Variants in MAP2K1 observed in about 807,000 individuals in gnomAD.
MAP2K1 encodes the protein mitogen-activated protein kinase kinase 1.
In MAP2K1, 16 loss-of-function variants were observed where a neutral mutation model predicts 46.3. The observed-to-expected ratio is 0.35, with a 90% CI of 0.23 to 0.52. MAP2K1 has a LOEUF of 0.52. Ranked by LOEUF, MAP2K1 falls within the 20% of genes least tolerant of loss-of-function variation. The probability of loss-of-function intolerance (pLI) is 0.94; values close to 1 mark genes in which losing one functional copy is unlikely to be tolerated. For missense variants in MAP2K1, 263 were observed against 497.1 expected, an observed-to-expected ratio of 0.53 and a Z score of 4.48; for synonymous variants, 183 against 185.6, an observed-to-expected ratio of 0.99 and a Z score of 0.11.
intron 6 of MAP2K1, among the ~76,000 whole-genome samples, chr15:66,483,534 A>C (rs1892963183): frequency 6.6e-6 from 1 of 152,186 alleles, no homozygotes; most frequent in East Asian, 1.9e-4. Context: ...AGTTAGTGAA[A>C]AATGCTACTG....
At chr15:66,444,597 G>C in intron 4 of MAP2K1, 59 bp from the exon 5 acceptor site, 1 of 1,182,286 alleles carries the variant, frequency 8.5e-7, no homozygotes, top group Non-Finnish European at 1.3e-6. Context: ...TTTTAAAATA[G>C]ATTGAGTATT....
intron 7 of MAP2K1, among the ~76,000 whole-genome samples, chr15:66,486,784 G>A (rs927547555): frequency 6.6e-6 from 1 of 152,206 alleles, no homozygotes; most frequent in Non-Finnish European, 1.5e-5. Context: ...GTAGCTGATG[G>A]CAGGTCATTG....
intron 5 of MAP2K1, chr15:66,453,422 TGCTCA>T (rs1048155262): frequency 1.3e-5 from 9 of 698,954 alleles, no homozygotes; most frequent in Middle Eastern, 2.7e-4. Context: ...CTGGCCTGGC[TGCTCA>T]GCATTTCAGA....
chr15:66,479,160 G>C (rs1006995716), intron 5 of MAP2K1, among the ~76,000 whole-genome samples: 2 of 151,740 alleles, frequency 1.3e-5, no homozygotes, highest in Non-Finnish European at 2.9e-5. Context: ...GCAGTGGTGT[G>C]ATCTTGGCTC....
chr15:66,428,435 G>A (rs1342742387), intron 1 of MAP2K1, among the ~76,000 whole-genome samples: 1 of 151,986 alleles, frequency 6.6e-6, no homozygotes, highest in Non-Finnish European at 1.5e-5. Context: ...CCCAGGGTAG[G>A]GTTGCATGCG....
At chr15:66,429,192 C>T (rs561065756) in intron 1 of MAP2K1, among the ~76,000 whole-genome samples, 2 of 152,248 alleles carry the variant, frequency 1.3e-5, no homozygotes, top group South Asian at 2.1e-4. Context: ...AATTGAATTA[C>T]GGTTCTTTAT....
chr15:66,437,312 T>C (rs2093490922), intron 3 of MAP2K1, among the ~76,000 whole-genome samples: 1 of 152,252 alleles, frequency 6.6e-6, no homozygotes, highest in Non-Finnish European at 1.5e-5. Context: ...TCTGGGTTTC[T>C]GTATGATGCA....
chr15:66,410,153 T>C (rs556316882), intron 1 of MAP2K1, among the ~76,000 whole-genome samples: 36 of 152,358 alleles, frequency 2.4e-4, no homozygotes, highest in African/African-American at 8.2e-4. Context: ...TTTTTTGCCC[T>C]GCCCTACTGC....
chr15:66,401,435 G>A (rs34472581), intron 1 of MAP2K1, among the ~76,000 whole-genome samples: 8,558 of 152,084 alleles, frequency 0.056, 345 homozygotes, highest in Middle Eastern at 0.11. Context: ...TTAAAGGTCA[G>A]CTTGCTTCCC....
intron 3 of MAP2K1, 29 bp from the exon 4 acceptor site, chr15:66,443,251 A>G: frequency 7.2e-7 from 1 of 1,383,088 alleles, no homozygotes; most frequent in South Asian, 1.2e-5. Context: ...GAACATTGTC[A>G]CTAACTGGTC....
At chr15:66,418,781 G>A (rs529054276) in intron 1 of MAP2K1, among the ~76,000 whole-genome samples, 1 of 149,232 alleles carries the variant, frequency 6.7e-6, no homozygotes, top group East Asian at 2.0e-4. Flanking sequence ...TCCTGCCTCA[G>A]CCTCCCGAGC....
Position 66,414,358 on chromosome 15 carries a change from C to G in MAP2K1, c.81-20669C>G, listed in dbSNP as rs112287368. Among the ~76,000 whole-genome samples the G allele has an allele frequency of 2.6e-3, 396 of 152,116 alleles. 8 individuals are homozygous for G. Among genetic ancestry groups the G allele is most frequent in the African/African-American group, 9.1e-3 (377 of 41,500 alleles). ...TCTCAGGTTCCATAGTTTGCTAGAG[C>G]AATTCACAGAACTCAGGAATGCACT... On this transcript the variant is annotated intron_variant, in intron 1 of 10. Transcript: ENST00000307102.
At chr15:66,407,456 C>T (rs1246884189) in intron 1 of MAP2K1, among the ~76,000 whole-genome samples, 2 of 152,174 alleles carry the variant, frequency 1.3e-5, no homozygotes, top group East Asian at 1.9e-4. Context: ...AGCTCTTTTC[C>T]TGGTCAACCT....
chr15:66,419,225 TTAAA>T (rs2093431822), intron 1 of MAP2K1, among the ~76,000 whole-genome samples: 1 of 151,890 alleles, frequency 6.6e-6, no homozygotes, highest in Non-Finnish European at 1.5e-5. Flanking sequence ...GCCTGATCCT[TTAAA>T]AATTATCTGG....
chr15:66,426,931 T>C (rs1432442), intron 1 of MAP2K1, among the ~76,000 whole-genome samples: 133,323 of 152,188 alleles, frequency 0.88, 58,653 homozygotes, highest in Non-Finnish European at 0.92. Flanking sequence ...GGTTAGCTTC[T>C]CGTGTTATAT....
intron 5 of MAP2K1, among the ~76,000 whole-genome samples, chr15:66,470,881 C>G (rs913783821): frequency 3.3e-5 from 5 of 152,158 alleles, no homozygotes; most frequent in African/African-American, 1.2e-4. Flanking sequence ...GGTCCAAGCA[C>G]AGGTTGGTTT....
At chr15:66,428,016 A>T (rs1354448577) in intron 1 of MAP2K1, among the ~76,000 whole-genome samples, 2 of 152,104 alleles carry the variant, frequency 1.3e-5, no homozygotes, top group East Asian at 3.8e-4. Flanking sequence ...TCTGTCTCCA[A>T]AAAAAAGAAA....
intron 1 of MAP2K1, among the ~76,000 whole-genome samples, chr15:66,390,084 G>T (rs1171080428): frequency 6.6e-6 from 1 of 152,168 alleles, no homozygotes; most frequent in African/African-American, 2.4e-5. Flanking sequence ...CATGGTGGTA[G>T]ATTATGTGTT....
At chr15:66,464,783 C>T (rs565719328) in intron 5 of MAP2K1, among the ~76,000 whole-genome samples, 1 of 151,962 alleles carries the variant, frequency 6.6e-6, no homozygotes, top group African/African-American at 2.4e-5. Context: ...CTGCCTCGGC[C>T]TCCCAAAGTG....
Sources: gnomAD v4.1 joint callset for allele counts (sites outside exome capture counted in the v4.1 genomes callset) on GRCh38, gnomAD v4.1.1 for gene constraint, MANE v1.5 for transcripts, NCBI Gene and HGNC (gene_info 2026-07-23, HGNC 2026-07-21) for gene names.